SPOCK3: variants seen among roughly 807,000 people sequenced by gnomAD.
SPOCK3 encodes the protein testican-3.
SPOCK3 carries 30 observed loss-of-function variants against 56.6 expected under a neutral mutation model. That is an observed-to-expected ratio of 0.53 (90% CI 0.40 to 0.72). The LOEUF (loss-of-function observed/expected upper bound fraction) is 0.72, where lower values mean the gene tolerates loss of function less well. Among genes scored for constraint, SPOCK3 ranks in the 30% least tolerant of loss-of-function variants. SPOCK3 has a pLI of 0.00. For missense variants in SPOCK3, 527 were observed against 530.0 expected (o/e 0.99, Z 0.06); for synonymous variants, 196 against 183.3 (o/e 1.07, Z -0.56).
intron 6 of SPOCK3, among the ~76,000 whole-genome samples, chr4:166,840,847 C>T (rs932326110): frequency 5.1e-5 from 7 of 136,040 alleles, no homozygotes; most frequent in Admixed American, 3.2e-4. Flanking sequence ...GGCGCAATCT[C>T]GGGTCACTGC....
intron 6 of SPOCK3, among the ~76,000 whole-genome samples, chr4:166,884,149 CGAG>C (rs141205844): frequency 0.039 from 5,873 of 151,882 alleles, 405 homozygotes; most frequent in African/African-American, 0.14. Context: ...TACAGGAGAT[CGAG>C]ATCAACCTGG....
At chr4:167,045,326 T>C (rs541533035) in intron 3 of SPOCK3, among the ~76,000 whole-genome samples, 1 of 152,244 alleles carries the variant, frequency 6.6e-6, no homozygotes, top group African/African-American at 2.4e-5. Context: ...TTGGTTCTTG[T>C]ATTTGACCCA....
At chr4:166,877,628 A>G (rs992799106) in intron 6 of SPOCK3, among the ~76,000 whole-genome samples, 2 of 152,206 alleles carry the variant, frequency 1.3e-5, no homozygotes, top group African/African-American at 4.8e-5. Context: ...AATCCATTTC[A>G]GAGTACACTA....
At chr4:167,138,986 A>G (rs930420520) in intron 2 of SPOCK3, among the ~76,000 whole-genome samples, 1 of 151,996 alleles carries the variant, frequency 6.6e-6, no homozygotes, top group Non-Finnish European at 1.5e-5. Context: ...AAAATGTTAA[A>G]CACAGCAGTG....
intron 4 of SPOCK3, among the ~76,000 whole-genome samples, chr4:166,986,490 G>A (rs930816819): frequency 1.3e-5 from 2 of 152,030 alleles, no homozygotes; most frequent in Non-Finnish European, 2.9e-5. Flanking sequence ...GTGGTGATTG[G>A]CTGGGAAATC....
intron 4 of SPOCK3, among the ~76,000 whole-genome samples, chr4:166,917,680 G>A (rs970584249): frequency 2.0e-5 from 3 of 152,060 alleles, no homozygotes; most frequent in African/African-American, 7.2e-5. Context: ...ATAAGTGTTT[G>A]GAAGTTCCTC....
intron 5 of SPOCK3, among the ~76,000 whole-genome samples, chr4:166,901,047 G>A (rs1489505600): frequency 6.6e-6 from 1 of 152,116 alleles, no homozygotes; most frequent in Non-Finnish European, 1.5e-5. Context: ...GACTTCCCCA[G>A]ACATTCCTTT....
At chr4:167,200,885 T>C (rs944176722) in intron 2 of SPOCK3, among the ~76,000 whole-genome samples, 2 of 152,080 alleles carry the variant, frequency 1.3e-5, no homozygotes, top group African/African-American at 2.4e-5. Flanking sequence ...GCATTCTTTA[T>C]AGCAATTCAT....
At chr4:166,969,001 T>G (rs902846864) in intron 4 of SPOCK3, among the ~76,000 whole-genome samples, 1 of 152,170 alleles carries the variant, frequency 6.6e-6, no homozygotes, top group Non-Finnish European at 1.5e-5. Flanking sequence ...AAAAGAAGAT[T>G]ATTTCAAGGC....
At chr4:166,912,505 T>G in intron 5 of SPOCK3, 115 bp downstream of exon 5, 3 of 1,041,912 alleles carry the variant, frequency 2.9e-6, no homozygotes, top group Non-Finnish European at 4.2e-6. Context: ...TATTAATTTA[T>G]TTTATAAGTT....
chr4:166,943,280 T>A (rs933753359), intron 4 of SPOCK3, among the ~76,000 whole-genome samples: 10 of 152,192 alleles, frequency 6.6e-5, no homozygotes, highest in African/African-American at 2.4e-4. Context: ...TAGGAAAACA[T>A]TGATTTCCGG....
At chr4:166,983,789 C>T (rs1746845640) in intron 4 of SPOCK3, among the ~76,000 whole-genome samples, 2 of 152,004 alleles carry the variant, frequency 1.3e-5, no homozygotes, top group African/African-American at 4.8e-5. Context: ...GTAGTTATCT[C>T]TCGATTGAAT....
intron 5 of SPOCK3, among the ~76,000 whole-genome samples, chr4:166,890,957 T>C (rs1228393888): frequency 6.6e-6 from 1 of 152,052 alleles, no homozygotes. Flanking sequence ...TACTCATATA[T>C]TTAGGATAGT....
intron 4 of SPOCK3, among the ~76,000 whole-genome samples, chr4:166,984,795 C>T (rs1746961195): frequency 6.6e-6 from 1 of 152,110 alleles, no homozygotes; most frequent in African/African-American, 2.4e-5. Context: ...CAATTAACTA[C>T]AGACCATGAA....
intron 6 of SPOCK3, among the ~76,000 whole-genome samples, chr4:166,880,770 T>A (rs753907619): frequency 6.6e-6 from 1 of 152,172 alleles, no homozygotes; most frequent in Non-Finnish European, 1.5e-5. Context: ...ATCTGCTTCC[T>A]ATCTCTAATA....
At chr4:166,858,842 C>A (rs1033474515) in intron 6 of SPOCK3, among the ~76,000 whole-genome samples, 7 of 152,002 alleles carry the variant, frequency 4.6e-5, no homozygotes, top group African/African-American at 1.7e-4. Flanking sequence ...TCATTGTGAG[C>A]AGAAATAAAT....
chr4:167,065,067 C>T (rs528579683), intron 2 of SPOCK3, among the ~76,000 whole-genome samples: 2 of 82,278 alleles, frequency 2.4e-5, no homozygotes, highest in African/African-American at 5.7e-5. Context: ...AAAAGTCAAA[C>T]GCAGCAAATT....
At chr4:167,060,415 T>G (rs1004098817) in intron 3 of SPOCK3, among the ~76,000 whole-genome samples, 3 of 152,072 alleles carry the variant, frequency 2.0e-5, no homozygotes. Flanking sequence ...ATGTAGATGA[T>G]GGACACTATT....
intron 2 of SPOCK3, among the ~76,000 whole-genome samples, chr4:167,075,767 A>G (rs1246835780): frequency 6.6e-6 from 1 of 152,026 alleles, no homozygotes; most frequent in South Asian, 2.1e-4. Flanking sequence ...TCAGCCTTGA[A>G]AGTAGCTAGG....
Sources: gnomAD v4.1 joint callset for allele counts (sites outside exome capture counted in the v4.1 genomes callset) on GRCh38, gnomAD v4.1.1 for gene constraint, MANE v1.5 for transcripts, NCBI Gene and HGNC (gene_info 2026-07-23, HGNC 2026-07-21) for gene names.